Variants in POLR1A observed in about 807,000 individuals in gnomAD.
POLR1A encodes the protein DNA-directed RNA polymerase I subunit RPA1.
POLR1A carries 84 observed loss-of-function variants against 205.3 expected under a neutral mutation model. The ratio of observed to expected loss-of-function variants is 0.41; its 90% CI spans 0.34 to 0.49. The LOEUF (loss-of-function observed/expected upper bound fraction) is 0.49. Among genes scored for constraint, POLR1A ranks in the 20% least tolerant of loss-of-function variants. The pLI is 0.22. For synonymous variants in POLR1A, 799 were observed against 863.7 expected, an observed-to-expected ratio of 0.93 and a Z score of 1.31; for missense variants, 1,645 against 2,204.5, an observed-to-expected ratio of 0.75 and a Z score of 5.08.
Position 86,026,924 on chromosome 2 carries a change from G to GTGTAGA in POLR1A, c.*498_*499insTCTACA. ...GGGCTGGAGCAGCCGGAAGGAGCAG[G>GTGTAGA]CCTTGGGCAGCAGGCTCCACGTTCC... is the stretch of plus-strand genomic sequence containing the variant. On this transcript the variant is annotated 3_prime_UTR_variant, in exon 34 of 34. Transcript: ENST00000263857. 5 of 175,850 alleles carry GTGTAGA rather than the reference G, an allele frequency of 2.8e-5. No homozygotes were observed. Among genetic ancestry groups the GTGTAGA allele is most frequent in the South Asian group, 1.3e-4 (1 of 7,722 alleles). The allele number at this position is 175,850 out of a possible 1,614,324, so 10.9% of individuals were successfully genotyped here. A position where few individuals can be genotyped will look rare whatever the true frequency, so the allele number is the denominator to read the frequency against.
rs536089000 is a variant in POLR1A at position 86,041,893 on chromosome 2, C to T, written c.3568G>A (p.Asp1190Asn). ...KSYEKSELSL[D>N]RLRTLLQLKW... Reference sequence around the variant, plus strand: ...GCAACAAATCACTGTCAATACCTGTCGAGAGAAAGCTCTGATTTCTCATAA... The same window carrying T: ...GCAACAAATCACTGTCAATACCTGTTGAGAGAAAGCTCTGATTTCTCATAA... The change falls in exon 24 of 34, where the codon GAC (aspartate) becomes AAC (asparagine). Residue 1190 changes from aspartate (D) to asparagine (N), a missense_variant. Physicochemically the swap from Asp to Asn is conservative, Grantham distance 23. Coordinates refer to ENST00000263857, the MANE Select transcript of POLR1A (RefSeq NM_015425.6). The T allele has an allele frequency of 1.8e-5, 29 of 1,612,456 alleles. No individual in the cohort carries two copies. The East Asian group carries it at 2.7e-4, about 15-fold the overall frequency.
intron 13 of POLR1A, 68 bp from the exon 14 acceptor site, chr2:86,065,533 C>G (rs311563): frequency 7.1e-7 from 1 of 1,400,466 alleles, no homozygotes; most frequent in Non-Finnish European, 9.9e-7. Flanking sequence ...AATCCCTAAT[C>G]GCCTGCCTGG....
Position 86,080,976 on chromosome 2 carries a change from T to C in POLR1A, c.926A>G (p.Tyr309Cys), listed in dbSNP as rs781538788. 39 of 1,610,918 alleles carry C rather than the reference T, an allele frequency of 2.4e-5. No individual in the cohort carries two copies. The highest frequency in any genetic ancestry group is 3.1e-5 in the Non-Finnish European group (37 of 1,178,356). ...LDFLVVPPSR[Y>C]RPVSRLGDQM... Reference sequence around the variant, plus strand: ...GTCTCCTAGGCGACTGACTGGGCGATACCTGCAGGGGGACATACGGAATAA... The same window carrying C: ...GTCTCCTAGGCGACTGACTGGGCGACACCTGCAGGGGGACATACGGAATAA... Residue 309 changes from tyrosine to cysteine, a missense_variant and splice_region_variant, in exon 9 of 34, where the codon TAT (tyrosine) becomes TGT (cysteine). Tyr to Cys is a radical substitution (Grantham distance 194, BLOSUM62 -2). Coordinates refer to ENST00000263857, the MANE Select transcript of POLR1A (RefSeq NM_015425.6).
chr2:86,041,193 G>A (rs1202411282), intron 24 of POLR1A, among the ~76,000 whole-genome samples: 19 of 30,236 alleles, frequency 6.3e-4, no homozygotes, highest in Admixed American at 3.5e-3. Flanking sequence ...GTGTGTGTGC[G>A]CGCTGAGCTA....
chr2:86,027,510 C>G lies in POLR1A; in HGVS notation c.5076G>C (p.Glu1692Asp), dbSNP rs373389378. 6.2e-7 allele frequency: 1 copy of G among 1,614,106 alleles called. No homozygotes were observed. The highest frequency in any genetic ancestry group is 8.5e-7 in the Non-Finnish European group (1 of 1,179,944). ...CAAGGCAGGCAGAAGGAGACCTCAGCTCATCGTGGGATCCTGACAGAGACA... is the reference window on the plus strand; with the variant it reads ...CAAGGCAGGCAGAAGGAGACCTCAGGTCATCGTGGGATCCTGACAGAGACA... The part of the protein sequence containing the change: ...KQATMLGSHD[E>D]LRSPSACLVV... The change falls in exon 34 of 34, where the codon GAG becomes GAC. Residue 1692 changes from glutamate to aspartate, a missense_variant. Physicochemically the swap from Glu to Asp is conservative, Grantham distance 45. Around this residue, in one of 16 missense-constraint regions of POLR1A, gnomAD observed 86 missense variants for 149.8 expected, o/e 0.57. Transcript: ENST00000263857.
Position 86,031,409 on chromosome 2 carries a change from C to T in POLR1A, c.4499G>A (p.Arg1500His), listed in dbSNP as rs753674623. 8.7e-6 allele frequency: 14 copies of T among 1,612,844 alleles called. No homozygotes were observed. The highest frequency in any genetic ancestry group is 6.7e-5 in the East Asian group (3 of 44,862). Residue 1500 changes from arginine (R) to histidine (H), a missense_variant, in exon 30 of 34, where the codon CGC (arginine) becomes CAC (histidine). By Grantham distance (29) the Arg-to-His change is conservative. Around this residue, in one of 16 missense-constraint regions of POLR1A, gnomAD observed 394 missense variants for 468.5 expected, o/e 0.84. Coordinates refer to ENST00000263857, the MANE Select transcript of POLR1A (RefSeq NM_015425.6). Reference sequence around the variant, plus strand: ...GATCTCACGCACAGCCTGGACCCGGCGCTCCATGGCCTCGGGCCCCTGGGG... The same window carrying T: ...GATCTCACGCACAGCCTGGACCCGGTGCTCCATGGCCTCGGGCCCCTGGGG... ...QEPQGPEAME[R>H]RVQAVREIHP...
chr2:86,045,037 C>T (rs1672686089), intron 21 of POLR1A, among the ~76,000 whole-genome samples: 2 of 152,296 alleles, frequency 1.3e-5, no homozygotes, highest in Non-Finnish European at 1.5e-5. Flanking sequence ...GCCATAGCTT[C>T]CCCCAGGGAA....
intron 3 of POLR1A, among the ~76,000 whole-genome samples, chr2:86,097,705 T>C (rs1021877405): frequency 6.6e-6 from 1 of 151,908 alleles, no homozygotes; most frequent in Non-Finnish European, 1.5e-5. Flanking sequence ...CTCATAGAAG[T>C]AAAAGTAGAA....
At position 86,042,745 on chromosome 2, in the gene POLR1A, G is replaced by A. The variant is rs531650810; in HGVS notation, c.3357+229C>T. 6.7e-5 allele frequency among the ~76,000 whole-genome samples: 10 copies of A among 150,238 alleles called. No individual in the cohort carries two copies. The South Asian group carries it at 8.3e-4, about 12-fold the overall frequency. ...CCCATTCCTTCACACCTGGGATCGC[G>A]GGGAACCCCGAAGTCACAGGCCCCA... On this transcript the variant is annotated intron_variant, in intron 23 of 33. Coordinates refer to ENST00000263857, the MANE Select transcript of POLR1A (RefSeq NM_015425.6).
chr2:86,031,104 G>A (rs142454055), intron 30 of POLR1A, among the ~76,000 whole-genome samples: 2 of 152,154 alleles, frequency 1.3e-5, no homozygotes, highest in African/African-American at 2.4e-5. Context: ...CGGGGCAGAG[G>A]GTTTATAGCC....
chr2:86,073,913 ACAGTGCCTAGCGAAACACCAGGCAC>A lies in POLR1A; in HGVS notation c.1611+1092_1611+1116del, dbSNP rs1345521468. Among the ~76,000 whole-genome samples the A allele has an allele frequency of 2.0e-5, 3 of 152,354 alleles. No individual in the cohort carries two copies. In the East Asian group the frequency reaches 5.8e-4, roughly 29 times the overall value. On this transcript the variant is annotated intron_variant, in intron 12 of 33. Coordinates refer to ENST00000263857, the MANE Select transcript of POLR1A (RefSeq NM_015425.6). ...CCTTGCTTCTTTTTGCATTGCTCAC[ACAGTGCCTAGCGAAACACCAGGCAC>A]TTAGGAAAGGCAGACCGATTCTACG... is the stretch of plus-strand genomic sequence containing the variant.
At chr2:86,029,703 T>C (rs1290280667) in intron 31 of POLR1A, among the ~76,000 whole-genome samples, 1 of 151,242 alleles carries the variant, frequency 6.6e-6, no homozygotes, top group African/African-American at 2.4e-5. Flanking sequence ...TTATCGCCAT[T>C]CTCCTGCCTC....
chr2:86,026,302 C>A lies in POLR1A; in HGVS notation c.*1121G>T, dbSNP rs1480397056. ...CGCCCTGGGTTCTCAAATCCAAATG[C>A]AGAAACTGCAAACCAAGGGAAAAAA... is the stretch of plus-strand genomic sequence containing the variant. On this transcript the variant is annotated 3_prime_UTR_variant, in exon 34 of 34. Transcript: ENST00000263857. 1 of 152,158 alleles carries A rather than the reference C, an allele frequency of 6.6e-6. No individual in the cohort carries two copies. The highest frequency in any genetic ancestry group is 6.5e-5 in the Admixed American group (1 of 15,290). 9.4% of individuals were successfully genotyped at this position (152,158 alleles called of 1,614,324 possible). A position where few individuals can be genotyped will look rare whatever the true frequency, so the allele number is the denominator to read the frequency against.
intron 12 of POLR1A, among the ~76,000 whole-genome samples, chr2:86,074,560 C>T (rs771125615): frequency 1.3e-5 from 2 of 152,214 alleles, no homozygotes; most frequent in African/African-American, 2.4e-5. Context: ...CTCAGGATTC[C>T]CTACCACAGC....
Position 86,039,481 on chromosome 2 carries a change from A to C in POLR1A, c.3741-19T>G. 1 of 1,614,036 alleles carries C rather than the reference A, an allele frequency of 6.2e-7. No individual in the cohort carries two copies. Among genetic ancestry groups the C allele is most frequent in the Non-Finnish European group, 8.5e-7 (1 of 1,179,940 alleles). On this transcript the variant is annotated intron_variant, in intron 25 of 33. Transcript: ENST00000263857. ...CCGCAACCTGTCACAGAATAAGGGCACATCCAATCATGAGTGGCAACCAGA... is the reference window on the plus strand; with the variant it reads ...CCGCAACCTGTCACAGAATAAGGGCCCATCCAATCATGAGTGGCAACCAGA...
chr2:86,091,402 T>C (rs1360940280), intron 3 of POLR1A, among the ~76,000 whole-genome samples: 1 of 152,120 alleles, frequency 6.6e-6, no homozygotes, highest in African/African-American at 2.4e-5. Flanking sequence ...ATTACAGGCA[T>C]TATCCACTGT....
At position 86,078,191 on chromosome 2, in the gene POLR1A, G is replaced by C; in HGVS notation, c.1180C>G (p.Leu394Val). 6.2e-7 allele frequency: 1 copy of C among 1,613,420 alleles called. No individual in the cohort carries two copies. The highest frequency in any genetic ancestry group is 8.5e-7 in the Non-Finnish European group (1 of 1,179,882). ...AACACAATATTGACGTGGCTCTGAAGGCGAATCCAAATGTTGTAAAGTTTG... is the reference window on the plus strand; with the variant it reads ...AACACAATATTGACGTGGCTCTGAACGCGAATCCAAATGTTGTAAAGTTTG... The part of the protein sequence containing the change: ...IDKLYNIWIR[L>V]QSHVNIVFDS... The change falls in exon 10 of 34, where the codon CTT becomes GTT. Residue 394 changes from leucine to valine, a missense_variant. This residue lies in a region of POLR1A where 131 missense variants were observed against 214.5 expected (regional missense o/e 0.61). Transcript: ENST00000263857.
chr2:86,068,047 G>C (rs1180935223), intron 13 of POLR1A, among the ~76,000 whole-genome samples: 1 of 152,098 alleles, frequency 6.6e-6, no homozygotes, highest in Non-Finnish European at 1.5e-5. Flanking sequence ...GGTCCACTTG[G>C]ATTTATATGT....
At chr2:86,046,563 C>T (rs968900506) in intron 19 of POLR1A, among the ~76,000 whole-genome samples, 1 of 151,938 alleles carries the variant, frequency 6.6e-6, no homozygotes, top group Non-Finnish European at 1.5e-5. Context: ...ATGAAAAGAT[C>T]GGCCAGGTGC....
Sources: gnomAD v4.1 joint callset for allele counts (sites outside exome capture counted in the v4.1 genomes callset) on GRCh38, gnomAD v4.1.1 for gene constraint, gnomAD v4.1.1 regional missense constraint, MANE v1.5 for transcripts, NCBI Gene and HGNC (gene_info 2026-07-23, HGNC 2026-07-21) for gene names.